The following CFAP206 variants were observed in gnomAD, a reference collection of about 807,000 sequenced individuals.
The protein encoded by CFAP206 is cilia and flagella associated protein 206.
Under a neutral mutation model 65.4 loss-of-function variants are expected in CFAP206, and 53 were observed. That is an observed-to-expected ratio of 0.81 (90% CI 0.65 to 1.02). CFAP206 has a LOEUF of 1.02. Among genes scored for constraint, CFAP206 ranks in the 50% least tolerant of loss-of-function variants. CFAP206 has a pLI of 0.00. For missense variants in CFAP206, 663 were observed against 753.2 expected (o/e 0.88, Z 1.40); for synonymous variants, 250 against 254.4 (o/e 0.98, Z 0.17).
chr6:87,410,313 C>G (rs1399464635), intron 2 of CFAP206, among the ~76,000 whole-genome samples: 1 of 152,258 alleles, frequency 6.6e-6, no homozygotes, highest in South Asian at 2.1e-4. Context: ...GCCATAGTTT[C>G]CCAATTGAAA....
intron 11 of CFAP206, chr6:87,435,422 G>A (rs993003135): frequency 2.5e-5 from 4 of 162,056 alleles, no homozygotes; most frequent in African/African-American, 9.6e-5. Context: ...GGTTTAAATT[G>A]TAGTAGTCTG....
Position 87,409,801 on chromosome 6 carries a change from C to T in CFAP206, c.-5-34C>T, listed in dbSNP as rs1554220305. 19 of 1,410,270 alleles carry T rather than the reference C, an allele frequency of 1.3e-5. No individual in the cohort carries two copies. The East Asian group carries it at 2.5e-4, about 19-fold the overall frequency. 87.4% of individuals were successfully genotyped at this position (1,410,270 alleles called of 1,614,324 possible). A position where few individuals can be genotyped will look rare whatever the true frequency, so the allele number is the denominator to read the frequency against. On this transcript the variant is annotated intron_variant, in intron 1 of 12. Coordinates refer to ENST00000369562, the MANE Select transcript of CFAP206 (RefSeq NM_001031743.3). The stretch of plus-strand genomic sequence containing the variant: ...AAAAAAATAAATTTGCATAAAACCA[C>T]GGTTTTTTTAAAAAAAATTGTTGTT...
intron 12 of CFAP206, 77 bp downstream of exon 12, chr6:87,461,242 T>A: frequency 1.1e-6 from 1 of 943,036 alleles, no homozygotes; most frequent in Non-Finnish European, 1.5e-6. Flanking sequence ...GTTGGTAAAT[T>A]AAATTATTTA....
Position 87,413,781 on chromosome 6 carries a change from A to G in CFAP206, c.193-29A>G, listed in dbSNP as rs1027502058. 8 of 1,295,588 alleles carry G rather than the reference A, an allele frequency of 6.2e-6. No individual in the cohort carries two copies. The African/African-American group carries it at 7.6e-5, about 12-fold the overall frequency. 80.3% of individuals were successfully genotyped at this position (1,295,588 alleles called of 1,614,324 possible). A position where few individuals can be genotyped will look rare whatever the true frequency, so the allele number is the denominator to read the frequency against. On this transcript the variant is annotated intron_variant, in intron 3 of 12. Transcript: ENST00000369562. ...CTTGACTGTCTCAAAAACTATAACT[A>G]GAAGTATTCATGGGACATTCTTTTC...
chr6:87,430,075 GA>G (rs1768130734), intron 9 of CFAP206, among the ~76,000 whole-genome samples: 1 of 152,084 alleles, frequency 6.6e-6, no homozygotes, highest in African/African-American at 2.4e-5. Context: ...TTATTCACTA[GA>G]ACACTATTAA....
rs748165589 is a variant in CFAP206 at position 87,415,598 on chromosome 6, C to T, written c.284-88C>T. 4 of 1,161,972 alleles carry T rather than the reference C, an allele frequency of 3.4e-6. No individual in the cohort carries two copies. The South Asian group carries it at 3.8e-5, about 11-fold the overall frequency. 72.0% of individuals were successfully genotyped at this position (1,161,972 alleles called of 1,614,324 possible). On this transcript the variant is annotated intron_variant, in intron 4 of 12. Coordinates refer to ENST00000369562, the MANE Select transcript of CFAP206 (RefSeq NM_001031743.3). ...TACTTGTTTTCCTGAAGTAGAATTG[C>T]CATATCCAATCCAGTTTTTCTCTAG...
At chr6:87,447,124 A>G (rs1175603847) in intron 11 of CFAP206, among the ~76,000 whole-genome samples, 1 of 152,128 alleles carries the variant, frequency 6.6e-6, no homozygotes, top group Non-Finnish European at 1.5e-5. Context: ...TAGATAGAGG[A>G]TCATGTCATC....
chr6:87,436,382 G>A (rs1035816180), intron 11 of CFAP206, among the ~76,000 whole-genome samples: 2 of 151,972 alleles, frequency 1.3e-5, no homozygotes, highest in Non-Finnish European at 2.9e-5. Context: ...CACCACGCCC[G>A]GACTTGTTTG....
intron 4 of CFAP206, among the ~76,000 whole-genome samples, chr6:87,414,950 T>C (rs1236992941): frequency 2.6e-5 from 4 of 152,194 alleles, no homozygotes; most frequent in Non-Finnish European, 5.9e-5. Flanking sequence ...TCAGTTGGTT[T>C]TGTGGCAAGG....
chr6:87,458,019 T>C (rs1360876155), intron 11 of CFAP206, among the ~76,000 whole-genome samples: 1 of 152,080 alleles, frequency 6.6e-6, no homozygotes, highest in Non-Finnish European at 1.5e-5. Flanking sequence ...AAGATCTGGA[T>C]AGACATTTCT....
intron 11 of CFAP206, among the ~76,000 whole-genome samples, chr6:87,450,528 T>C (rs1028991358): frequency 2.0e-4 from 29 of 142,760 alleles, no homozygotes; most frequent in African/African-American, 7.6e-4. Context: ...TTTGGAGCTA[T>C]GATATAGCCA....
At chr6:87,434,321 G>A (rs1388491770) in intron 10 of CFAP206, among the ~76,000 whole-genome samples, 1 of 151,444 alleles carries the variant, frequency 6.6e-6, no homozygotes, top group African/African-American at 2.4e-5. Context: ...TCTTGAGCCC[G>A]GGATGTTGAT....
chr6:87,457,580 T>C (rs1014977832), intron 11 of CFAP206, among the ~76,000 whole-genome samples: 2 of 152,212 alleles, frequency 1.3e-5, no homozygotes, highest in Non-Finnish European at 2.9e-5. Flanking sequence ...GGACAGTCTC[T>C]TCAATAAATG....
In CFAP206 at chr6:87,426,532, A is replaced by G. The variant is rs756389686; in HGVS notation, c.847A>G (p.Ile283Val). 7.0e-6 allele frequency: 11 copies of G among 1,578,218 alleles called. No homozygotes were observed. The African/African-American group carries it at 1.2e-4, about 18-fold the overall frequency. Residue 283 changes from isoleucine to valine, a missense_variant, in exon 8 of 13, where the codon ATA (isoleucine) becomes GTA (valine). Ile to Val is a conservative substitution (Grantham distance 29). Coordinates refer to ENST00000369562, the MANE Select transcript of CFAP206 (RefSeq NM_001031743.3). Reference protein sequence around the residue: ...EVFLQIILSDIITGAQEVEMM... With the variant: ...EVFLQIILSDVITGAQEVEMM... ...AATTATGTTGTTTTCACAGTCAGAT[A>G]TAATTACTGGTGCTCAAGAAGTGGA...
chr6:87,448,768 T>C (rs1382937370), intron 11 of CFAP206, among the ~76,000 whole-genome samples: 2 of 152,162 alleles, frequency 1.3e-5, no homozygotes, highest in Non-Finnish European at 2.9e-5. Flanking sequence ...TATTTGTCTT[T>C]CTGTGCCTTG....
intron 6 of CFAP206, 142 bp from the exon 7 acceptor site, chr6:87,418,066 G>C (rs1767865819): frequency 2.7e-6 from 2 of 741,864 alleles, no homozygotes; most frequent in Non-Finnish European, 4.4e-6. Context: ...TGGGACCCAG[G>C]AAACACATGC....
At chr6:87,457,340 A>G (rs1313564348) in intron 11 of CFAP206, among the ~76,000 whole-genome samples, 9 of 152,168 alleles carry the variant, frequency 5.9e-5, no homozygotes, top group Non-Finnish European at 8.8e-5. Flanking sequence ...TGGAACCACA[A>G]AAGACCCTGA....
intron 10 of CFAP206, among the ~76,000 whole-genome samples, chr6:87,434,376 A>G (rs1284120352): frequency 6.6e-6 from 1 of 151,014 alleles, no homozygotes; most frequent in Admixed American, 6.6e-5. Flanking sequence ...AGCCAGGTTG[A>G]TAAGACGCAG....
chr6:87,423,458 T>C (rs764853158), intron 7 of CFAP206, among the ~76,000 whole-genome samples: 47 of 149,178 alleles, frequency 3.2e-4, no homozygotes, highest in Non-Finnish European at 5.3e-4. Context: ...CCGTGTTAGC[T>C]AGGAAGGTCT....
Sources: gnomAD v4.1 joint callset for allele counts (sites outside exome capture counted in the v4.1 genomes callset) on GRCh38, gnomAD v4.1.1 for gene constraint, MANE v1.5 for transcripts, NCBI Gene and HGNC (gene_info 2026-07-23, HGNC 2026-07-21) for gene names.